Variants in CNOT2 observed in about 807,000 individuals in gnomAD.
The protein encoded by CNOT2 is CC chemokine receptor 4-negative regulator of transcription 2.
Under a neutral mutation model 72.1 loss-of-function variants are expected in CNOT2, and 7 were observed. The observed-to-expected ratio is 0.10, with a 90% CI of 0.06 to 0.18. CNOT2 has a LOEUF of 0.18. Ranked by LOEUF, CNOT2 falls within the 10% of genes least tolerant of loss-of-function variation. The pLI, the probability that CNOT2 is intolerant of heterozygous loss-of-function variation, is 1.00. For missense variants in CNOT2, 345 were observed against 660.3 expected, an observed-to-expected ratio of 0.52 and a Z score of 5.23; for synonymous variants, 196 against 225.6, an observed-to-expected ratio of 0.87 and a Z score of 1.17.
At chr12:70,315,329 CT>C (rs1379872013) in intron 3 of CNOT2, among the ~76,000 whole-genome samples, 1 of 151,932 alleles carries the variant, frequency 6.6e-6, no homozygotes, top group Admixed American at 6.6e-5. Context: ...TGCTTTCTTC[CT>C]TTTTCTTTGT....
At chr12:70,286,247 T>TTA (rs1870874956) in intron 2 of CNOT2, among the ~76,000 whole-genome samples, 1 of 149,278 alleles carries the variant, frequency 6.7e-6, no homozygotes, top group African/African-American at 2.4e-5. Context: ...TTGGGAGTGT[T>TTA]TATACCAATT....
intron 1 of CNOT2, among the ~76,000 whole-genome samples, chr12:70,274,394 A>G (rs1055396245): frequency 6.6e-6 from 1 of 152,094 alleles, no homozygotes; most frequent in Non-Finnish European, 1.5e-5. Context: ...AGTTTGTCCT[A>G]ATTAATAGCC....
chr12:70,254,528 T>A (rs1382321225), intron 1 of CNOT2, among the ~76,000 whole-genome samples: 2 of 152,204 alleles, frequency 1.3e-5, no homozygotes. Flanking sequence ...GTACTGCGGT[T>A]CACCATGAAT....
intron 2 of CNOT2, among the ~76,000 whole-genome samples, chr12:70,286,733 A>G (rs939030653): frequency 6.7e-6 from 1 of 149,052 alleles, no homozygotes; most frequent in African/African-American, 2.4e-5. Context: ...AATTTAGAAT[A>G]TTCATGAGAA....
chr12:70,292,889 TC>T (rs1317934392), intron 2 of CNOT2, among the ~76,000 whole-genome samples: 4 of 152,204 alleles, frequency 2.6e-5, no homozygotes, highest in Non-Finnish European at 4.4e-5. Context: ...GATCATGTCT[TC>T]CCTTGCTAAA....
intron 1 of CNOT2, among the ~76,000 whole-genome samples, chr12:70,262,502 C>G (rs1958824608): frequency 1.3e-5 from 2 of 152,124 alleles, no homozygotes; most frequent in South Asian, 4.1e-4. Context: ...GTCTCGATCT[C>G]CTGACCTCGT....
chr12:70,352,023 C>A (rs1882933621), intron 15 of CNOT2, among the ~76,000 whole-genome samples: 1 of 152,130 alleles, frequency 6.6e-6, no homozygotes, highest in Non-Finnish European at 1.5e-5. Flanking sequence ...TATAAACTCT[C>A]AGGGGACTGA....
chr12:70,319,507 A>G (rs1031822812), intron 4 of CNOT2, 143 bp downstream of exon 4: 8 of 744,716 alleles, frequency 1.1e-5, no homozygotes, highest in Non-Finnish European at 1.7e-5. Flanking sequence ...GTTTTATTTT[A>G]CTTACATAGC....
intron 2 of CNOT2, among the ~76,000 whole-genome samples, chr12:70,296,732 A>G (rs1294243780): frequency 6.7e-6 from 1 of 150,114 alleles, no homozygotes; most frequent in Admixed American, 6.7e-5. Flanking sequence ...TGTGCAGTGT[A>G]GGTGCCTTTC....
chr12:70,308,338 A>T (rs1875802337), intron 2 of CNOT2, among the ~76,000 whole-genome samples: 1 of 152,230 alleles, frequency 6.6e-6, no homozygotes, highest in African/African-American at 2.4e-5. Flanking sequence ...GAATTGTCTC[A>T]TACCAGCACC....
chr12:70,332,108 G>C (rs1339432617), intron 6 of CNOT2, among the ~76,000 whole-genome samples: 1 of 151,466 alleles, frequency 6.6e-6, no homozygotes, highest in Non-Finnish European at 1.5e-5. Context: ...GTATATGAAA[G>C]GTAAACTATA....
chr12:70,291,164 G>A (rs944692807), intron 2 of CNOT2, among the ~76,000 whole-genome samples: 1 of 152,054 alleles, frequency 6.6e-6, no homozygotes, highest in Admixed American at 6.5e-5. Flanking sequence ...AGATACAGTG[G>A]TCATTCATTT....
chr12:70,260,657 A>G (rs1271474079), intron 1 of CNOT2, among the ~76,000 whole-genome samples: 1 of 152,062 alleles, frequency 6.6e-6, no homozygotes, highest in African/African-American at 2.4e-5. Context: ...AAGTCTCCCA[A>G]CCACTGTTGT....
chr12:70,329,394 A>G, intron 4 of CNOT2, 29 bp from the exon 5 acceptor site: 75 of 1,507,494 alleles, frequency 5.0e-5, no homozygotes, highest in Middle Eastern at 1.7e-4. Context: ...GATGGCAATG[A>G]ATTTCCTTCT....
chr12:70,289,429 A>C (rs995549980), intron 2 of CNOT2, among the ~76,000 whole-genome samples: 1 of 151,816 alleles, frequency 6.6e-6, no homozygotes, highest in East Asian at 1.9e-4. Flanking sequence ...TGTCGGTATA[A>C]TTTTTTTTAT....
At chr12:70,332,157 A>G (rs1472589588) in intron 6 of CNOT2, among the ~76,000 whole-genome samples, 1 of 151,812 alleles carries the variant, frequency 6.6e-6, no homozygotes, top group Admixed American at 6.6e-5. Flanking sequence ...ACTGAATTCA[A>G]TTTTAAAACG....
At chr12:70,289,624 T>A (rs1385145810) in intron 2 of CNOT2, among the ~76,000 whole-genome samples, 1 of 152,166 alleles carries the variant, frequency 6.6e-6, no homozygotes, top group African/African-American at 2.4e-5. Flanking sequence ...TGTTCATTTT[T>A]TTCTTTCTTT....
intron 2 of CNOT2, among the ~76,000 whole-genome samples, chr12:70,288,525 T>G (rs1871314905): frequency 6.6e-6 from 1 of 152,206 alleles, no homozygotes; most frequent in Non-Finnish European, 1.5e-5. Flanking sequence ...TATAAGCTTG[T>G]GGCTTCTCTG....
chr12:70,347,047 T>C (rs1312899853), intron 15 of CNOT2, among the ~76,000 whole-genome samples: 1 of 149,770 alleles, frequency 6.7e-6, no homozygotes, highest in African/African-American at 2.4e-5. Context: ...ATTCTCCACA[T>C]TATCTGATTT....
Sources: gnomAD v4.1 joint callset for allele counts (sites outside exome capture counted in the v4.1 genomes callset) on GRCh38, gnomAD v4.1.1 for gene constraint, MANE v1.5 for transcripts, NCBI Gene and HGNC (gene_info 2026-07-23, HGNC 2026-07-21) for gene names.